Variants in KCNH7 observed in about 807,000 individuals in gnomAD.
The protein encoded by KCNH7 is voltage-gated inwardly rectifying potassium channel KCNH7.
Under a neutral mutation model 120.8 loss-of-function variants are expected in KCNH7, and 49 were observed. The ratio of observed to expected loss-of-function variants is 0.41; its 90% CI spans 0.32 to 0.51. KCNH7 has a LOEUF of 0.51. Ranked by LOEUF, KCNH7 falls within the 20% of genes least tolerant of loss-of-function variation. The pLI, the probability that KCNH7 is intolerant of heterozygous loss-of-function variation, is 0.38. For synonymous variants in KCNH7, 547 were observed against 516.1 expected, an observed-to-expected ratio of 1.06 and a Z score of -0.81; for missense variants, 1,097 against 1,446.6, an observed-to-expected ratio of 0.76 and a Z score of 3.92.
intron 2 of KCNH7, among the ~76,000 whole-genome samples, chr2:162,817,115 A>C (rs1684942344): frequency 6.6e-6 from 1 of 152,174 alleles, no homozygotes; most frequent in African/African-American, 2.4e-5. Flanking sequence ...AATTTATACA[A>C]TGTGTTAGAT....
At chr2:162,660,018 T>C (rs1419371410) in intron 2 of KCNH7, among the ~76,000 whole-genome samples, 3 of 152,276 alleles carry the variant, frequency 2.0e-5, no homozygotes, top group South Asian at 2.1e-4. Context: ...TTTCTGTTTT[T>C]ATGTAGTTAG....
Position 162,569,118 on chromosome 2 carries a change from T to G in KCNH7, c.308-32038A>C, listed in dbSNP as rs542096543. Among the ~76,000 whole-genome samples the G allele has an allele frequency of 5.6e-3, 853 of 152,160 alleles. 8 individuals carry two copies. The highest frequency in any genetic ancestry group is 0.019 in the African/African-American group (804 of 41,516). On this transcript the variant is annotated intron_variant, in intron 2 of 15. Coordinates refer to ENST00000332142, the MANE Select transcript of KCNH7 (RefSeq NM_033272.4). ...CAGAAGGAATGGTACCAGTTCCTCC[T>G]TGCACCTCTGGTAGAATTCGGCTGT...
At chr2:162,536,789 A>G in intron 3 of KCNH7, 136 bp downstream of exon 3, 1 of 887,124 alleles carries the variant, frequency 1.1e-6, no homozygotes, top group Non-Finnish European at 1.7e-6. Context: ...ACATGAGCTA[A>G]TGGCTTACTC....
Position 162,830,661 on chromosome 2 carries a change from G to A in KCNH7, c.307+5876C>T, listed in dbSNP as rs565439786. Among the ~76,000 whole-genome samples the A allele has an allele frequency of 9.6e-4, 146 of 152,250 alleles. 1 individual carries two copies. The highest frequency in any genetic ancestry group is 1.8e-3 in the Non-Finnish European group (123 of 68,000). On this transcript the variant is annotated intron_variant, in intron 2 of 15. Coordinates refer to ENST00000332142, the MANE Select transcript of KCNH7 (RefSeq NM_033272.4). Reference sequence around the variant, plus strand: ...GAACTTCAACCCCAACATGAGAGTAGTAAGAAGTGTAGACTTTTGGGATGT... The same window carrying A: ...GAACTTCAACCCCAACATGAGAGTAATAAGAAGTGTAGACTTTTGGGATGT...
chr2:162,409,451 C>T (rs187123974), intron 9 of KCNH7, among the ~76,000 whole-genome samples: 1 of 151,946 alleles, frequency 6.6e-6, no homozygotes. Flanking sequence ...GATTTTACAA[C>T]TGATTTCTTT....
intron 2 of KCNH7, among the ~76,000 whole-genome samples, chr2:162,611,843 C>T (rs748979918): frequency 9.2e-5 from 14 of 152,042 alleles, no homozygotes; most frequent in Middle Eastern, 3.2e-3. Flanking sequence ...GACTCTTACC[C>T]CATATGACAG....
chr2:162,674,862 A>T (rs1685481005), intron 2 of KCNH7, among the ~76,000 whole-genome samples: 1 of 151,704 alleles, frequency 6.6e-6, no homozygotes, highest in Non-Finnish European at 1.5e-5. Context: ...TTTAGAAGAT[A>T]ATTTGGAAAA....
At chr2:162,807,256 C>CAAAAAAAAAAAAAAAAA (rs745345993) in intron 2 of KCNH7, among the ~76,000 whole-genome samples, 4 of 15,626 alleles carry the variant, frequency 2.6e-4, no homozygotes, top group East Asian at 3.0e-3. Context: ...ACTAAAAATA[C>CAAAAAAAAAAAAAAAAA]AAAAAAAAAA....
intron 2 of KCNH7, among the ~76,000 whole-genome samples, chr2:162,830,924 C>T (rs1449846501): frequency 6.6e-6 from 1 of 152,104 alleles, no homozygotes; most frequent in African/African-American, 2.4e-5. Context: ...ATAAGTTACC[C>T]GCTCTAAGGT....
At chr2:162,693,163 G>A (rs1193105512) in intron 2 of KCNH7, among the ~76,000 whole-genome samples, 4 of 152,148 alleles carry the variant, frequency 2.6e-5, no homozygotes, top group South Asian at 4.1e-4. Context: ...TTTGTTAGAG[G>A]TCTTTTACTT....
In KCNH7 at chr2:162,695,395, A is replaced by G. The variant is rs563413805; in HGVS notation, c.307+141142T>C. On this transcript the variant is annotated intron_variant, in intron 2 of 15. Coordinates refer to ENST00000332142, the MANE Select transcript of KCNH7 (RefSeq NM_033272.4). ...ATCCCAACATCAAGATGGGCAGATTAACAGGATAGCAAAACCAAAAACCCA... is the reference window on the plus strand; with the variant it reads ...ATCCCAACATCAAGATGGGCAGATTGACAGGATAGCAAAACCAAAAACCCA... 7.2e-5 allele frequency among the ~76,000 whole-genome samples: 11 copies of G among 152,302 alleles called. No individual in the cohort carries two copies. In the South Asian group the frequency reaches 2.1e-3, roughly 29 times the overall value.
chr2:162,696,081 C>T (rs1001046775), intron 2 of KCNH7, among the ~76,000 whole-genome samples: 6 of 152,140 alleles, frequency 3.9e-5, no homozygotes, highest in East Asian at 1.9e-4. Context: ...AAATGACTAA[C>T]GAAGGTGTAG....
chr2:162,831,827 C>T (rs1685490690), intron 2 of KCNH7, among the ~76,000 whole-genome samples: 1 of 152,164 alleles, frequency 6.6e-6, no homozygotes, highest in Admixed American at 6.5e-5. Context: ...AGCTGGCAGA[C>T]AACATGGCTT....
intron 2 of KCNH7, among the ~76,000 whole-genome samples, chr2:162,728,650 C>T (rs533949597): frequency 2.0e-5 from 3 of 152,096 alleles, no homozygotes; most frequent in Non-Finnish European, 4.4e-5. Flanking sequence ...TGGAGGTGCA[C>T]GCCTGTAATC....
At chr2:162,717,035 T>C (rs1354894188) in intron 2 of KCNH7, among the ~76,000 whole-genome samples, 1 of 151,966 alleles carries the variant, frequency 6.6e-6, no homozygotes, top group East Asian at 1.9e-4. Flanking sequence ...TAAACCTAAA[T>C]GTAAATAAAT....
intron 2 of KCNH7, among the ~76,000 whole-genome samples, chr2:162,580,209 G>A (rs896079989): frequency 1.3e-5 from 2 of 151,982 alleles, no homozygotes; most frequent in Non-Finnish European, 2.9e-5. Flanking sequence ...CATTATTTAT[G>A]GTTCACAGCA....
At chr2:162,683,054 C>T (rs573691391) in intron 2 of KCNH7, among the ~76,000 whole-genome samples, 1 of 151,838 alleles carries the variant, frequency 6.6e-6, no homozygotes, top group South Asian at 2.1e-4. Context: ...ATAGGAAGTG[C>T]TGAAGCAAGA....
At chr2:162,710,740 C>T (rs1004138668) in intron 2 of KCNH7, among the ~76,000 whole-genome samples, 1 of 152,132 alleles carries the variant, frequency 6.6e-6, no homozygotes, top group Non-Finnish European at 1.5e-5. Flanking sequence ...CTAGCAGCTG[C>T]TGCTACTTAG....
intron 2 of KCNH7, among the ~76,000 whole-genome samples, chr2:162,579,054 C>T (rs749926863): frequency 2.8e-4 from 42 of 151,864 alleles, no homozygotes; most frequent in South Asian, 1.9e-3. Context: ...TCAGGCTTAG[C>T]ATGAAGAAAA....
Sources: allele counts gnomAD v4.1 joint callset (sites outside exome capture counted in the v4.1 genomes callset), GRCh38; gene constraint gnomAD v4.1.1; transcripts MANE v1.5; gene names NCBI Gene and HGNC (gene_info 2026-07-23, HGNC 2026-07-21).